SPATS2L: variants seen among roughly 807,000 people sequenced by gnomAD.
The protein encoded by SPATS2L is SPATS2-like protein.
In SPATS2L, 30 loss-of-function variants were observed where a neutral mutation model predicts 59.6. The ratio of observed to expected loss-of-function variants is 0.50; its 90% CI spans 0.38 to 0.68. SPATS2L has a LOEUF of 0.68. Among genes scored for constraint, SPATS2L ranks in the 30% least tolerant of loss-of-function variants. The pLI is 0.00. For synonymous variants in SPATS2L, 252 were observed against 263.5 expected (o/e 0.96, Z 0.42); for missense variants, 615 against 700.0 (o/e 0.88, Z 1.37).
intron 10 of SPATS2L, chr2:200,469,594 CTGCCAGAA>C (rs797012245): frequency 1.8e-4 from 40 of 217,920 alleles, no homozygotes; most frequent in African/African-American, 8.9e-4. Context: ...TCAGAAGACC[CTGCCAGAA>C]TGCAATTCAG....
At chr2:200,473,182 C>G (rs1338974670) in intron 12 of SPATS2L, 130 bp downstream of exon 12, 5 of 840,678 alleles carry the variant, frequency 5.9e-6, no homozygotes, top group South Asian at 5.5e-5. Context: ...CTGCCCTCAC[C>G]CACTCCCCAC....
At chr2:200,350,139 C>T (rs990429221) in intron 2 of SPATS2L, among the ~76,000 whole-genome samples, 17 of 152,114 alleles carry the variant, frequency 1.1e-4, no homozygotes, top group African/African-American at 4.1e-4. Context: ...GGGATGGTTG[C>T]GTGGCTACGG....
At chr2:200,393,067 A>G (rs1305219990) in intron 3 of SPATS2L, 1 of 377,064 alleles carries the variant, frequency 2.7e-6, no homozygotes, top group Non-Finnish European at 5.3e-6. Flanking sequence ...ACTCACAGTC[A>G]TATATTCAAG....
chr2:200,329,338 A>T, intron 1 of SPATS2L, 93 bp from the exon 2 acceptor site: 2 of 1,049,462 alleles, frequency 1.9e-6, no homozygotes, highest in Non-Finnish European at 2.9e-6. Context: ...TTGACTCCAG[A>T]TCCTGTGCTT....
rs1375553414 is a variant in SPATS2L at position 200,334,155 on chromosome 2, C to A, written c.-23+4675C>A. 3.3e-5 allele frequency among the ~76,000 whole-genome samples: 5 copies of A among 152,230 alleles called. No individual in the cohort carries two copies. The East Asian group carries it at 9.7e-4, about 29-fold the overall frequency. ...GTGTTCCTATTTCTCCACATCCTCT[C>A]CAGCACCTGTTGTTTCCTGACTTTT... On this transcript the variant is annotated intron_variant, in intron 2 of 12. Coordinates refer to ENST00000409140, the MANE Select transcript of SPATS2L (RefSeq NM_001100423.2).
intron 8 of SPATS2L, among the ~76,000 whole-genome samples, chr2:200,443,693 C>T (rs1184894014): frequency 1.3e-5 from 2 of 152,134 alleles, no homozygotes; most frequent in South Asian, 4.1e-4. Context: ...CACTTTGCTA[C>T]CAAAAAGTGC....
chr2:200,477,513 T>TATAAAAAAAAAAAAA (rs2087628295), intron 12 of SPATS2L, 123 bp from the exon 13 acceptor site: 1 of 555,344 alleles, frequency 1.8e-6, no homozygotes, highest in African/African-American at 4.4e-5. Context: ...TCTTCTGGTG[T>TATAAAAAAAAAAAAA]ATAAAAAAAA....
rs733055 is a variant in SPATS2L, at chr2:200,479,437, G to C, written c.*1406G>C. The C allele has an allele frequency of 2.6e-3, 1,038 of 397,550 alleles. 3 individuals carry two copies. Among genetic ancestry groups the C allele is most frequent in the Non-Finnish European group, 3.8e-3 (863 of 225,962 alleles). 24.6% of individuals were successfully genotyped at this position (397,550 alleles called of 1,614,324 possible). A position where few individuals can be genotyped will look rare whatever the true frequency, so the allele number is the denominator to read the frequency against. ...CTGTCTCTTAAACCAATCATGAAAG[G>C]GGGGAGAGAAGTGAATGGGATGAAC... On this transcript the variant is annotated 3_prime_UTR_variant, in exon 13 of 13. Coordinates refer to ENST00000409140, the MANE Select transcript of SPATS2L (RefSeq NM_001100423.2).
chr2:200,405,887 T>C (rs2082673064), intron 3 of SPATS2L, among the ~76,000 whole-genome samples: 2 of 152,358 alleles, frequency 1.3e-5, no homozygotes, highest in South Asian at 4.1e-4. Context: ...ATGCTCTGCC[T>C]GGCACCCAGG....
At chr2:200,463,591 C>A (rs1366878083) in intron 9 of SPATS2L, among the ~76,000 whole-genome samples, 1 of 152,200 alleles carries the variant, frequency 6.6e-6, no homozygotes, top group Admixed American at 6.5e-5. Context: ...AATACCCCTA[C>A]AACATGTGAT....
intron 1 of SPATS2L, among the ~76,000 whole-genome samples, chr2:200,315,545 A>C (rs886317823): frequency 1.3e-5 from 2 of 152,154 alleles, no homozygotes; most frequent in Non-Finnish European, 2.9e-5. Flanking sequence ...GCTAAGTCCC[A>C]ACTCCCCTAC....
At chr2:200,456,481 GTA>G (rs1004275824) in intron 8 of SPATS2L, among the ~76,000 whole-genome samples, 3 of 151,996 alleles carry the variant, frequency 2.0e-5, no homozygotes, top group African/African-American at 7.3e-5. Context: ...ACTAACCATT[GTA>G]TATAAATGCC....
intron 6 of SPATS2L, among the ~76,000 whole-genome samples, chr2:200,427,524 A>C (rs771708254): frequency 6.7e-6 from 1 of 149,012 alleles, no homozygotes; most frequent in African/African-American, 2.4e-5. Flanking sequence ...AATAATATAC[A>C]TATATATTAA....
intron 2 of SPATS2L, among the ~76,000 whole-genome samples, chr2:200,370,289 T>C (rs139790034): frequency 6.6e-6 from 1 of 152,346 alleles, no homozygotes; most frequent in East Asian, 1.9e-4. Context: ...GTGATTTTCC[T>C]GTTCAATAGA....
At chr2:200,426,618 T>C (rs1299101354) in intron 6 of SPATS2L, among the ~76,000 whole-genome samples, 2 of 152,122 alleles carry the variant, frequency 1.3e-5, no homozygotes, top group East Asian at 3.9e-4. Context: ...TCCCAGCTAC[T>C]TGTGGGGCTG....
intron 6 of SPATS2L, 29 bp from the exon 7 acceptor site, chr2:200,439,093 C>A (rs780131540): frequency 4.4e-6 from 7 of 1,586,358 alleles, no homozygotes; most frequent in East Asian, 4.5e-5. Flanking sequence ...TTTATCACTT[C>A]ACAGTCATTA....
chr2:200,368,482 G>C (rs2081329808), intron 2 of SPATS2L, among the ~76,000 whole-genome samples: 1 of 152,198 alleles, frequency 6.6e-6, no homozygotes, highest in Non-Finnish European at 1.5e-5. Flanking sequence ...CTCTAGAGAA[G>C]TAAAGTAAAT....
intron 2 of SPATS2L, among the ~76,000 whole-genome samples, chr2:200,345,151 TA>T (rs1256848740): frequency 6.6e-6 from 1 of 152,210 alleles, no homozygotes; most frequent in Non-Finnish European, 1.5e-5. Context: ...TGCCCATCCC[TA>T]GGTCCATAAG....
chr2:200,350,035 G>C (rs2080665297), intron 2 of SPATS2L, among the ~76,000 whole-genome samples: 1 of 152,128 alleles, frequency 6.6e-6, no homozygotes, highest in South Asian at 2.1e-4. Context: ...TTTTCAACCT[G>C]GACCCTCAGC....
Sources: gnomAD v4.1 joint callset for allele counts (sites outside exome capture counted in the v4.1 genomes callset) on GRCh38, gnomAD v4.1.1 for gene constraint, MANE v1.5 for transcripts, NCBI Gene and HGNC (gene_info 2026-07-23, HGNC 2026-07-21) for gene names.